Variants in NBPF10 observed in about 807,000 individuals in gnomAD.
NBPF10 encodes the protein NBPF member 10.
NBPF10 carries 63 observed loss-of-function variants against 77.9 expected under a neutral mutation model. That is an observed-to-expected ratio of 0.81 (90% CI 0.66 to 1.00). The LOEUF is 1.00. Ranked by LOEUF, NBPF10 falls within the 50% of genes least tolerant of loss-of-function variation. The probability of loss-of-function intolerance (pLI) is 0.00; values close to 1 mark genes in which losing one functional copy is unlikely to be tolerated. For missense variants in NBPF10, 522 were observed against 679.8 expected, an observed-to-expected ratio of 0.77 and a Z score of 2.58; for synonymous variants, 146 against 264.5, an observed-to-expected ratio of 0.55 and a Z score of 4.35.
At chr1:146,126,457 C>A (rs1571191935) in intron 13 of NBPF10, 49 bp from the exon 14 acceptor site, 4 of 790,558 alleles carry the variant, frequency 5.1e-6, no homozygotes, top group East Asian at 4.9e-5. Flanking sequence ...AATCAGAAAC[C>A]ACACAGCCCC....
chr1:146,139,186 G>C (rs1376743374), intron 5 of NBPF10, among the ~76,000 whole-genome samples: 1 of 141,490 alleles, frequency 7.1e-6, no homozygotes, highest in African/African-American at 2.6e-5. Context: ...TGCAAGCTCC[G>C]GTTCCTGGGT....
In NBPF10 at chr1:146,141,889, G is replaced by A. The variant is rs1553797499; in HGVS notation, c.279-71C>T. 19 of 1,151,204 alleles carry A rather than the reference G, an allele frequency of 1.7e-5. 2 individuals are homozygous for A. The highest frequency in any genetic ancestry group is 1.3e-5 in the Non-Finnish European group (10 of 777,796). 71.3% of individuals were successfully genotyped at this position (1,151,204 alleles called of 1,614,324 possible). A position where few individuals can be genotyped will look rare whatever the true frequency, so the allele number is the denominator to read the frequency against. ...TGATCCGTTCAAATATTGCAACAGA[G>A]ACTTCTGAGACAATGTCGTCAAGGA... is the stretch of plus-strand genomic sequence containing the variant. On this transcript the variant is annotated intron_variant, in intron 2 of 89. Coordinates refer to ENST00000583866, the Ensembl canonical transcript of NBPF10.
intron 89 of NBPF10, 79 bp from the exon 90 acceptor site, chr1:146,066,640 C>T (rs376465854): frequency 8.9e-5 from 45 of 503,820 alleles, no homozygotes; most frequent in Non-Finnish European, 1.4e-4. Flanking sequence ...TCAGAAGCAA[C>T]ATAAGGAAGT....
chr1:146,123,556 T>C lies in NBPF10; in HGVS notation c.2304-278A>G, dbSNP rs1445701342. 4.9e-5 allele frequency among the ~76,000 whole-genome samples: 5 copies of C among 102,722 alleles called. 1 individual carries two copies. Among genetic ancestry groups the C allele is most frequent in the African/African-American group, 2.5e-4 (5 of 19,872 alleles). The allele number at this position is 102,722 out of a possible 152,430, so 67.4% of individuals were successfully genotyped here. A position where few individuals can be genotyped will look rare whatever the true frequency, so the allele number is the denominator to read the frequency against. On this transcript the variant is annotated intron_variant, in intron 17 of 89. Transcript: ENST00000583866. ...GAGAGAGAACGAGCTCAGTGAATTG[T>C]CCAGGTGACGCACTGATGAGGGAGT... is the stretch of plus-strand genomic sequence containing the variant.
chr1:146,125,964 G>A (rs1343451341), intron 14 of NBPF10, among the ~76,000 whole-genome samples: 1 of 151,580 alleles, frequency 6.6e-6, no homozygotes, highest in African/African-American at 2.4e-5. Flanking sequence ...AGAGTTGTGT[G>A]AATTTGTCAT....
At chr1:146,126,088 A>G (rs1363531625) in intron 14 of NBPF10, 148 bp downstream of exon 14, 3 of 644,174 alleles carry the variant, frequency 4.7e-6, no homozygotes, top group Non-Finnish European at 8.4e-6. Context: ...TCCAAGTGGA[A>G]CTAGAGTTTC....
rs1553798515 is a variant in NBPF10, at chr1:146,143,980, C to T, written c.175+615G>A. On this transcript the variant is annotated intron_variant, in intron 1 of 89. Coordinates refer to ENST00000583866, the Ensembl canonical transcript of NBPF10. ...GCCCAGGCTAGTCTCAAACTGCTGA[C>T]CTCGTGCTCTGCCCGCCTCAGCCTC... is the stretch of plus-strand genomic sequence containing the variant. 2.0e-5 allele frequency among the ~76,000 whole-genome samples: 3 copies of T among 151,190 alleles called. No individual in the cohort carries two copies. The East Asian group carries it at 5.9e-4, about 30-fold the overall frequency.
chr1:146,139,533 CTA>C (rs1439887140), intron 5 of NBPF10, among the ~76,000 whole-genome samples: 25 of 144,316 alleles, frequency 1.7e-4, no homozygotes, highest in African/African-American at 5.4e-4. Context: ...GCAGTTGGGA[CTA>C]TAGGCGTGCA....
At chr1:146,126,500 T>A in intron 13 of NBPF10, 92 bp from the exon 14 acceptor site, 1 of 719,858 alleles carries the variant, frequency 1.4e-6, no homozygotes, top group Admixed American at 2.0e-5. Context: ...AAGGAAGAGT[T>A]TGAAAAGAAA....
intron 5 of NBPF10, among the ~76,000 whole-genome samples, chr1:146,138,784 GGTT>G (rs1659970170): frequency 7.4e-6 from 1 of 134,676 alleles, no homozygotes; most frequent in Non-Finnish European, 1.7e-5. Flanking sequence ...TTTCTTTTTT[GGTT>G]TTTTGTTTTT....
chr1:146,069,490 C>T (rs1164170660), intron 86 of NBPF10, 53 bp downstream of exon 86: 6 of 750,274 alleles, frequency 8.0e-6, no homozygotes, highest in Non-Finnish European at 1.3e-5. Flanking sequence ...AGGAATATGA[C>T]CCTAACCAGA....
At chr1:146,067,821 T>C (rs587680879) in intron 88 of NBPF10, among the ~76,000 whole-genome samples, 182 bp downstream of exon 88, 1,805 of 152,026 alleles carry the variant, frequency 0.012, 40 homozygotes, top group African/African-American at 0.041. Context: ...TCTTGCTCAC[T>C]GAACCATTTC....
intron 35 of NBPF10, among the ~76,000 whole-genome samples, chr1:146,109,315 C>G (rs1261491005): frequency 8.0e-4 from 74 of 92,728 alleles, no homozygotes; most frequent in Middle Eastern, 4.9e-3. Context: ...CAGATAGACA[C>G]ACACACACAC....
At chr1:146,142,538 A>C (rs1329270626) in intron 2 of NBPF10, 112 bp downstream of exon 2, 1 of 617,462 alleles carries the variant, frequency 1.6e-6, no homozygotes, top group Non-Finnish European at 2.9e-6. Context: ...CTGCCATGGC[A>C]ATTTCTGCCC....
intron 14 of NBPF10, among the ~76,000 whole-genome samples, chr1:146,125,935 A>G (rs587640345): frequency 2.0e-5 from 3 of 151,734 alleles, no homozygotes; most frequent in South Asian, 2.1e-4. Flanking sequence ...TACAAGATCT[A>G]CAAAATTTAG....
At chr1:146,126,667 A>G in intron 13 of NBPF10, among the ~76,000 whole-genome samples, 1 of 145,836 alleles carries the variant, frequency 6.9e-6, no homozygotes, top group East Asian at 2.0e-4. Context: ...CAGGTGACAC[A>G]CTGATGAGGG....
chr1:146,067,100 C>A, intron 89 of NBPF10, 80 bp downstream of exon 89: 1 of 622,956 alleles, frequency 1.6e-6, no homozygotes, highest in South Asian at 1.6e-5. Context: ...AACATGTCAT[C>A]AAACACACTC....
At chr1:146,139,507 C>A (rs1553796448) in intron 5 of NBPF10, among the ~76,000 whole-genome samples, 1 of 146,522 alleles carries the variant, frequency 6.8e-6, no homozygotes, top group Non-Finnish European at 1.5e-5. Flanking sequence ...CCCATCCTCC[C>A]ACCTAAGTCT....
chr1:146,136,214 A>G, intron 7 of NBPF10, 139 bp downstream of exon 7: 1 of 798,960 alleles, frequency 1.3e-6, no homozygotes, highest in Non-Finnish European at 2.1e-6. Context: ...TCTGATAAAT[A>G]TTTGTGTGTA....
Sources: allele counts gnomAD v4.1 joint callset (sites outside exome capture counted in the v4.1 genomes callset), GRCh38; gene constraint gnomAD v4.1.1; transcripts MANE v1.5; gene names NCBI Gene and HGNC (gene_info 2026-07-23, HGNC 2026-07-21).